ROR2: variants seen among roughly 807,000 people sequenced by gnomAD.
The protein encoded by ROR2 is tyrosine-protein kinase transmembrane receptor ROR2.
In ROR2, 33 loss-of-function variants were observed where a neutral mutation model predicts 74.9. The observed-to-expected ratio is 0.44, with a 90% CI of 0.33 to 0.59. The LOEUF is 0.59. ROR2 is among the 20% of genes least tolerant of loss of function. ROR2 has a pLI of 0.02. For synonymous variants in ROR2, 586 were observed against 558.7 expected, an observed-to-expected ratio of 1.05 and a Z score of -0.69; for missense variants, 1,216 against 1,313.8, an observed-to-expected ratio of 0.93 and a Z score of 1.15.
intron 1 of ROR2, among the ~76,000 whole-genome samples, chr9:91,810,924 T>C (rs976108640): frequency 3.9e-5 from 6 of 152,182 alleles, no homozygotes; most frequent in African/African-American, 1.4e-4. Context: ...CCACCTGGCA[T>C]AGGAAGGTAC....
At chr9:91,917,800 G>A (rs890672547) in intron 1 of ROR2, among the ~76,000 whole-genome samples, 10 of 152,326 alleles carry the variant, frequency 6.6e-5, no homozygotes, top group Middle Eastern at 6.8e-3. Context: ...CACTCCTACT[G>A]GAGGCCACAG....
In ROR2 at chr9:91,792,085, C is replaced by T. The variant is rs536380510; in HGVS notation, c.98-16267G>A. Among the ~76,000 whole-genome samples, 7 of 152,232 alleles carry T rather than the reference C, an allele frequency of 4.6e-5. No homozygotes were observed. The South Asian group carries it at 1.2e-3, about 27-fold the overall frequency. The stretch of plus-strand genomic sequence containing the variant: ...AACACAACATAAAATTTAAGGGGCA[C>T]AGCTAAAGCAGAGAAAAATTTACAG... On this transcript the variant is annotated intron_variant, in intron 1 of 8. Coordinates refer to ENST00000375708, the MANE Select transcript of ROR2 (RefSeq NM_004560.4).
chr9:91,904,254 A>G (rs1206381149), intron 1 of ROR2, among the ~76,000 whole-genome samples: 1 of 152,128 alleles, frequency 6.6e-6, no homozygotes, highest in Non-Finnish European at 1.5e-5. Context: ...ACCAGGGATC[A>G]TGGAAGGATC....
At chr9:91,807,142 G>A (rs1827595012) in intron 1 of ROR2, among the ~76,000 whole-genome samples, 1 of 152,230 alleles carries the variant, frequency 6.6e-6, no homozygotes, top group South Asian at 2.1e-4. Context: ...AATTTGAACA[G>A]ACGGTCCTTG....
intron 1 of ROR2, among the ~76,000 whole-genome samples, chr9:91,897,652 G>A (rs961079421): frequency 6.6e-6 from 1 of 152,182 alleles, no homozygotes; most frequent in Non-Finnish European, 1.5e-5. Context: ...TGGAGCAGAA[G>A]ACAGGTGGGC....
chr9:91,909,083 A>G (rs1564031801), intron 1 of ROR2, among the ~76,000 whole-genome samples: 2 of 152,232 alleles, frequency 1.3e-5, no homozygotes, highest in Admixed American at 6.5e-5. Context: ...GCTTTGCCAG[A>G]AACAACCTAT....
At chr9:91,941,189 G>C (rs1209349171) in intron 1 of ROR2, among the ~76,000 whole-genome samples, 1 of 151,416 alleles carries the variant, frequency 6.6e-6, no homozygotes, top group African/African-American at 2.4e-5. Flanking sequence ...AGTAGAGACG[G>C]GGTTTCACCG....
chr9:91,765,112 T>C (rs917077031), intron 2 of ROR2, among the ~76,000 whole-genome samples: 4 of 152,344 alleles, frequency 2.6e-5, no homozygotes, highest in Non-Finnish European at 4.4e-5. Context: ...CTATCAGTAT[T>C]TCATAAAATA....
intron 1 of ROR2, among the ~76,000 whole-genome samples, chr9:91,856,403 C>T (rs1386781728): frequency 1.3e-5 from 2 of 152,214 alleles, no homozygotes; most frequent in African/African-American, 4.8e-5. Context: ...AATTGTGTTC[C>T]TCCAAAATTC....
chr9:91,942,696 T>C (rs1222330465), intron 1 of ROR2, among the ~76,000 whole-genome samples: 10 of 152,178 alleles, frequency 6.6e-5, no homozygotes, highest in Admixed American at 5.9e-4. Context: ...AATCATCCTG[T>C]ATTTACAGTG....
intron 1 of ROR2, among the ~76,000 whole-genome samples, chr9:91,867,433 T>C (rs1391104556): frequency 6.6e-6 from 1 of 152,126 alleles, no homozygotes; most frequent in Non-Finnish European, 1.5e-5. Flanking sequence ...TCAAACTCCA[T>C]TGCTGTTTTT....
chr9:91,733,419 C>T lies in ROR2; in HGVS notation c.640G>A (p.Gly214Ser), dbSNP rs1336789467. 5.6e-6 allele frequency: 9 copies of T among 1,611,092 alleles called. No homozygotes were observed. Among genetic ancestry groups the T allele is most frequent in the Middle Eastern group, 1.6e-4 (1 of 6,082 alleles). ...TGGTCCGACAGGTGCGTAGACGTGC[C>T]GATCATGGTGAAGGCCGCTGCAGAG... is the stretch of plus-strand genomic sequence containing the variant. The part of the protein sequence containing the change: ...NRITAAFTMI[G>S]TSTHLSDQCS... The change falls in exon 6 of 9, where the codon GGC becomes AGC. Residue 214 changes from glycine (G) to serine (S), a missense_variant. Transcript: ENST00000375708. This position sits in a 1 kb window ranked among gnomAD's most constrained non-coding sequence, Gnocchi z 5.7.
At chr9:91,835,388 T>C (rs1049523485) in intron 1 of ROR2, among the ~76,000 whole-genome samples, 3 of 152,162 alleles carry the variant, frequency 2.0e-5, no homozygotes, top group Admixed American at 6.5e-5. Flanking sequence ...ATGGGCTCCA[T>C]TGCTCTCTTC....
chr9:91,723,470 G>T lies in ROR2; in HGVS notation c.*192C>A. ...GCCAGACCCCCTGCCTGGCTTGGGT[G>T]CTCCTAGGCAGGGCAGCTCTCTGTG... On this transcript the variant is annotated 3_prime_UTR_variant, in exon 9 of 9. Coordinates refer to ENST00000375708, the MANE Select transcript of ROR2 (RefSeq NM_004560.4). 2.4e-6 allele frequency: 2 copies of T among 841,504 alleles called. No homozygotes were observed. Among genetic ancestry groups the T allele is most frequent in the Non-Finnish European group, 3.6e-6 (2 of 556,408 alleles). 52.1% of individuals were successfully genotyped at this position (841,504 alleles called of 1,614,324 possible). A position where few individuals can be genotyped will look rare whatever the true frequency, so the allele number is the denominator to read the frequency against.
intron 1 of ROR2, among the ~76,000 whole-genome samples, chr9:91,804,302 G>A (rs1317760252): frequency 6.6e-6 from 1 of 152,192 alleles, no homozygotes. Context: ...GCAACCCTCT[G>A]ATTTGAAACG....
chr9:91,889,939 G>A (rs961998219), intron 1 of ROR2, among the ~76,000 whole-genome samples: 2 of 152,094 alleles, frequency 1.3e-5, no homozygotes, highest in Admixed American at 6.6e-5. Context: ...TAGCGGGGAG[G>A]GGGTTACCAT....
At chr9:91,806,086 T>C (rs1206850007) in intron 1 of ROR2, among the ~76,000 whole-genome samples, 1 of 152,216 alleles carries the variant, frequency 6.6e-6, no homozygotes, top group African/African-American at 2.4e-5. Context: ...GTGTGACTGT[T>C]CGGGTGTGGA....
chr9:91,902,451 GC>G (rs1649248990), intron 1 of ROR2, among the ~76,000 whole-genome samples: 1 of 151,888 alleles, frequency 6.6e-6, no homozygotes, highest in African/African-American at 2.4e-5. Context: ...CACGCCTCAG[GC>G]CCCTACTGAA....
At chr9:91,754,986 AC>A (rs1825699778) in intron 4 of ROR2, among the ~76,000 whole-genome samples, 1 of 152,128 alleles carries the variant, frequency 6.6e-6, no homozygotes, top group Non-Finnish European at 1.5e-5. Context: ...CCCCATCTCT[AC>A]AAAAAATAAG....
Sources: gnomAD v4.1 joint callset for allele counts (sites outside exome capture counted in the v4.1 genomes callset) on GRCh38, gnomAD v4.1.1 for gene constraint, Gnocchi (gnomAD v3.1) non-coding constraint, MANE v1.5 for transcripts, NCBI Gene and HGNC (gene_info 2026-07-23, HGNC 2026-07-21) for gene names.